COG5: variants seen among roughly 807,000 people sequenced by gnomAD.
The protein encoded by COG5 is conserved oligomeric Golgi complex subunit 5.
Under a neutral mutation model 110.4 loss-of-function variants are expected in COG5, and 86 were observed. The ratio of observed to expected loss-of-function variants is 0.78; its 90% CI spans 0.65 to 0.93. COG5 has a LOEUF of 0.93. Ranked by LOEUF, COG5 falls within the 40% of genes least tolerant of loss-of-function variation. The pLI is 0.00. For synonymous variants in COG5, 360 were observed against 334.6 expected, an observed-to-expected ratio of 1.08 and a Z score of -0.83; for missense variants, 1,077 against 987.0, an observed-to-expected ratio of 1.09 and a Z score of -1.22.
chr7:107,258,077 C>T (rs1268010476), intron 15 of COG5, among the ~76,000 whole-genome samples, 196 bp downstream of exon 15: 1 of 152,018 alleles, frequency 6.6e-6, no homozygotes, highest in Non-Finnish European at 1.5e-5. Flanking sequence ...ACTGAATGTA[C>T]AAACAAAAAG....
intron 7 of COG5, among the ~76,000 whole-genome samples, chr7:107,399,055 A>C (rs1199820699): frequency 6.6e-6 from 1 of 152,096 alleles, no homozygotes; most frequent in Non-Finnish European, 1.5e-5. Flanking sequence ...TATAAAAATT[A>C]GCTAGGTGTG....
chr7:107,452,973 C>T (rs779406955), intron 6 of COG5, among the ~76,000 whole-genome samples: 7 of 152,182 alleles, frequency 4.6e-5, no homozygotes, highest in Admixed American at 6.5e-5. Context: ...TATGTAATTG[C>T]ATAGCACCTT....
intron 6 of COG5, among the ~76,000 whole-genome samples, chr7:107,422,143 TCAAAC>T (rs1243037790): frequency 6.6e-6 from 1 of 152,012 alleles, no homozygotes; most frequent in African/African-American, 2.4e-5. Context: ...GAAAAATCAA[TCAAAC>T]CAAAAGTTGA....
chr7:107,517,044 A>C (rs1023914032), intron 6 of COG5, among the ~76,000 whole-genome samples: 4 of 152,192 alleles, frequency 2.6e-5, no homozygotes, highest in African/African-American at 9.6e-5. Flanking sequence ...GAAGGTGGGT[A>C]ATTACAAACT....
intron 7 of COG5, among the ~76,000 whole-genome samples, chr7:107,388,741 G>A (rs765939969): frequency 1.3e-5 from 2 of 152,114 alleles, no homozygotes; most frequent in African/African-American, 4.8e-5. Context: ...TTACTAATGC[G>A]GGGAAGAGGA....
intron 19 of COG5, among the ~76,000 whole-genome samples, chr7:107,226,840 A>G (rs1330263483): frequency 2.0e-5 from 3 of 152,258 alleles, no homozygotes; most frequent in Admixed American, 2.0e-4. Flanking sequence ...TTAATTCAGT[A>G]GATTTCTGTA....
At chr7:107,546,475 G>A (rs950363869) in intron 5 of COG5, among the ~76,000 whole-genome samples, 1 of 70,942 alleles carries the variant, frequency 1.4e-5, no homozygotes, top group African/African-American at 5.5e-5. Flanking sequence ...TCGCTCTTTT[G>A]TCCAGGCTCC....
At chr7:107,330,823 CTT>C (rs376987809) in intron 10 of COG5, among the ~76,000 whole-genome samples, 54 of 135,560 alleles carry the variant, frequency 4.0e-4, no homozygotes, top group Admixed American at 5.2e-4. Context: ...AGCTAGATCC[CTT>C]TTTTTTTTTT....
rs748994897 is a variant in COG5, at chr7:107,201,380, T to TAAAC, written c.*2132_*2135dup. The TAAAC allele has an allele frequency of 9.7e-6, 14 of 1,436,480 alleles. No homozygotes were observed. The highest frequency in any genetic ancestry group is 1.3e-5 in the Non-Finnish European group (13 of 1,021,758). 89.0% of individuals were successfully genotyped at this position (1,436,480 alleles called of 1,614,324 possible). ...TATAGGATTACTATGTATTGATTTG[T>TAAAC]AAACATTCACTGAGTTTAATTTTAT... On this transcript the variant is annotated 3_prime_UTR_variant, in exon 22 of 22. Coordinates refer to ENST00000297135, the MANE Select transcript of COG5 (RefSeq NM_006348.5).
intron 6 of COG5, among the ~76,000 whole-genome samples, chr7:107,424,516 T>G (rs1459719598): frequency 6.6e-6 from 1 of 151,840 alleles, no homozygotes; most frequent in Non-Finnish European, 1.5e-5. Context: ...TTTTTTTTTT[T>G]TTTTGAAAAA....
At chr7:107,402,602 C>G (rs999247292) in intron 7 of COG5, among the ~76,000 whole-genome samples, 1 of 152,008 alleles carries the variant, frequency 6.6e-6, no homozygotes, top group Non-Finnish European at 1.5e-5. Context: ...CTGTTGTAAT[C>G]CTGAAAAAAT....
chr7:107,479,148 A>T (rs1797166136), intron 6 of COG5, among the ~76,000 whole-genome samples: 1 of 152,138 alleles, frequency 6.6e-6, no homozygotes, highest in Non-Finnish European at 1.5e-5. Context: ...AGTTCTTAAT[A>T]GACTTTAGAA....
Position 107,324,463 on chromosome 7 carries a change from G to A in COG5, c.1085C>T (p.Ser362Phe). Residue 362 changes from serine (S) to phenylalanine (F), a missense_variant, in exon 11 of 22, where the codon TCT becomes TTT. By Grantham distance (155) the Ser-to-Phe change is radical. Transcript: ENST00000297135. ...ACAGTTTGTTGCCATATGAAATTGA[G>A]AAGAAAGTGCCTGAGTAACTGAATT... ...FWNSVTQALS[S>F]QFHMATNSSM... 1 of 1,603,936 alleles carries A rather than the reference G, an allele frequency of 6.2e-7. No homozygotes were observed. The highest frequency in any genetic ancestry group is 1.1e-5 in the South Asian group (1 of 88,804).
chr7:107,226,074 T>C (rs1259706151), intron 19 of COG5, among the ~76,000 whole-genome samples: 1 of 152,070 alleles, frequency 6.6e-6, no homozygotes, highest in Non-Finnish European at 1.5e-5. Context: ...AAAAAAATAG[T>C]AGAGGTCATA....
At chr7:107,372,857 T>A in intron 7 of COG5, 97 bp from the exon 8 acceptor site, 2 of 1,139,468 alleles carry the variant, frequency 1.8e-6, no homozygotes, top group Non-Finnish European at 2.5e-6. Context: ...TCAGCAGTCC[T>A]ATCATATTTA....
At chr7:107,546,987 C>CA (rs1440487045) in intron 5 of COG5, among the ~76,000 whole-genome samples, 1 of 152,052 alleles carries the variant, frequency 6.6e-6, no homozygotes, top group East Asian at 1.9e-4. Context: ...AAACTCTCCC[C>CA]AAAAAAATCA....
chr7:107,430,952 G>A lies in COG5; in HGVS notation c.539-18320C>T, dbSNP rs76317903. ...GAAGCAGGAGGAGAAAAGGTGATAC[G>A]ATGCAGGGCCATTAACCAAGGGAAG... is the stretch of plus-strand genomic sequence containing the variant. On this transcript the variant is annotated intron_variant, in intron 6 of 21. Transcript: ENST00000297135. Among the ~76,000 whole-genome samples the A allele has an allele frequency of 7.2e-3, 1,092 of 152,090 alleles. 13 individuals carry two copies. Among genetic ancestry groups the A allele is most frequent in the Non-Finnish European group, 0.012 (834 of 67,996 alleles).
At position 107,367,890 on chromosome 7, in the gene COG5, C is replaced by T. The variant is rs184966114; in HGVS notation, c.835+4705G>A. 6.6e-4 allele frequency among the ~76,000 whole-genome samples: 100 copies of T among 151,946 alleles called. No individual in the cohort carries two copies. The Middle Eastern group carries it at 0.01, about 16-fold the overall frequency. On this transcript the variant is annotated intron_variant, in intron 8 of 21. Transcript: ENST00000297135. ...TAGACTTCACCACTATACAATTCAT[C>T]CATGCAACCAAAACCCACTTGTACC... is the stretch of plus-strand genomic sequence containing the variant.
rs757066853 is a variant in COG5, at chr7:107,554,265, A to T, written c.292+20T>A. On this transcript the variant is annotated intron_variant, in intron 3 of 21. Coordinates refer to ENST00000297135, the MANE Select transcript of COG5 (RefSeq NM_006348.5). The stretch of plus-strand genomic sequence containing the variant: ...CCTGGTCTAGCTCTACATAATCTCT[A>T]GCAGTTATTAGAAATATACCTTCCA... The T allele has an allele frequency of 6.2e-7, 1 of 1,608,014 alleles. No individual in the cohort carries two copies. Among genetic ancestry groups the T allele is most frequent in the East Asian group, 2.2e-5 (1 of 44,832 alleles).
Sources: allele counts gnomAD v4.1 joint callset (sites outside exome capture counted in the v4.1 genomes callset), GRCh38; gene constraint gnomAD v4.1.1; transcripts MANE v1.5; gene names NCBI Gene and HGNC (gene_info 2026-07-23, HGNC 2026-07-21).